The following STARD9 variants were observed in gnomAD, a reference collection of about 807,000 sequenced individuals.
The protein encoded by STARD9 is StAR related lipid transfer domain containing 9.
In STARD9, 346 loss-of-function variants were observed where a neutral mutation model predicts 399.8. The observed-to-expected ratio is 0.87, with a 90% CI of 0.79 to 0.95. STARD9 has a LOEUF of 0.95. Ranked by LOEUF, STARD9 falls within the 40% of genes least tolerant of loss-of-function variation. The pLI is 0.00. For missense variants in STARD9, 5,832 were observed against 5,667.5 expected, an observed-to-expected ratio of 1.03 and a Z score of -0.93; for synonymous variants, 2,203 against 2,143.5, an observed-to-expected ratio of 1.03 and a Z score of -0.77.
Position 42,687,302 on chromosome 15 carries a change from C to T in STARD9, c.5724C>T (p.Leu1908=). The change falls in exon 23 of 33, where the codon CTC becomes CTT. Residue 1908 remains leucine (L), a synonymous_variant. Coordinates refer to ENST00000290607, the MANE Select transcript of STARD9 (RefSeq NM_020759.3). The stretch of plus-strand genomic sequence containing the variant: ...ACAGCACTGAGTCTGGGAAGTCTCT[C>T]CTCTTTCGTGAATCTGAGGCACGAG... The part of the protein sequence containing the change: ...SSDSTESGKS[L]LFRESEAREE... 1 of 1,536,804 alleles carries T rather than the reference C, an allele frequency of 6.5e-7. No individual in the cohort carries two copies. The highest frequency in any genetic ancestry group is 1.2e-5 in the South Asian group (1 of 84,068).
chr15:42,690,836 G>C lies in STARD9; in HGVS notation c.9258G>C (p.Glu3086Asp). 1.3e-6 allele frequency: 2 copies of C among 1,537,132 alleles called. No homozygotes were observed. Among genetic ancestry groups the C allele is most frequent in the Non-Finnish European group, 1.7e-6 (2 of 1,146,818 alleles). The change falls in exon 23 of 33, where the codon GAG (glutamate) becomes GAC (aspartate). Residue 3086 changes from glutamate (E) to aspartate (D), a missense_variant. Glu to Asp is a conservative substitution (Grantham distance 45, BLOSUM62 2). This residue lies in a region of STARD9 where 5,828 missense variants were observed against 5,651.1 expected (regional missense o/e 1.03). Transcript: ENST00000290607. ...GCGTGGGGTTAATAGGGGTTCCTGA[G>C]AAAAAGGTTGCTGAGAAGCAAGCAA... ...DGSVGLIGVP[E>D]KKVAEKQAST...
chr15:42,700,862 C>G (rs1034705669), intron 26 of STARD9, among the ~76,000 whole-genome samples: 1 of 152,168 alleles, frequency 6.6e-6, no homozygotes, highest in African/African-American at 2.4e-5. Context: ...TGTCATAAAG[C>G]ATTTCTCCTA....
chr15:42,715,346 G>T (rs1478798756), intron 26 of STARD9, among the ~76,000 whole-genome samples: 1 of 152,110 alleles, frequency 6.6e-6, no homozygotes, highest in Admixed American at 6.5e-5. Context: ...GTTGCAAGAA[G>T]CTTATCTGTG....
At position 42,581,618 on chromosome 15, in the gene STARD9, G is replaced by T. The variant is rs1044949500; in HGVS notation, c.48-1728G>T. The T allele has an allele frequency of 1.4e-4, 91 of 658,386 alleles. No individual in the cohort carries two copies. The East Asian group carries it at 2.5e-3, about 18-fold the overall frequency. 40.8% of individuals were successfully genotyped at this position (658,386 alleles called of 1,614,324 possible). A position where few individuals can be genotyped will look rare whatever the true frequency, so the allele number is the denominator to read the frequency against. Reference sequence around the variant, plus strand: ...CTCGCTCGCTTCCTCTAGTTCCCTCGTCTGGCTCCGCCCCTGCCGCCAGCC... The same window carrying T: ...CTCGCTCGCTTCCTCTAGTTCCCTCTTCTGGCTCCGCCCCTGCCGCCAGCC... On this transcript the variant is annotated intron_variant, in intron 1 of 32. Transcript: ENST00000290607.
chr15:42,613,010 AG>A (rs1300953240), intron 3 of STARD9, among the ~76,000 whole-genome samples: 3 of 148,946 alleles, frequency 2.0e-5, no homozygotes, highest in African/African-American at 5.0e-5. Context: ...AAAAAAAAAA[AG>A]AGCAACATCT....
Position 42,687,423 on chromosome 15 carries a change from T to C in STARD9, c.5845T>C (p.Ser1949Pro). ...MPGESAVSLK[S>P]RSVDRRVSSP... ...AGGGGAAAGTGCTGTTTCTTTGAAA[T>C]CCAGATCAGTAGATCGTAGAGTAAG... is the stretch of plus-strand genomic sequence containing the variant. The change falls in exon 23 of 33, where the codon TCC becomes CCC. Residue 1949 changes from serine (S) to proline (P), a missense_variant. Physicochemically the swap from Ser to Pro is moderately conservative, Grantham distance 74. Transcript: ENST00000290607. 6.5e-7 allele frequency: 1 copy of C among 1,537,088 alleles called. No homozygotes were observed. The highest frequency in any genetic ancestry group is 8.7e-7 in the Non-Finnish European group (1 of 1,146,914).
chr15:42,698,239 T>C (rs1021662481), intron 26 of STARD9, among the ~76,000 whole-genome samples: 9 of 152,202 alleles, frequency 5.9e-5, no homozygotes, highest in Non-Finnish European at 1.2e-4. Context: ...TAGGCAAATA[T>C]ATTTGTGGGA....
Position 42,684,205 on chromosome 15 carries a change from A to G in STARD9, c.2627A>G (p.His876Arg). 2.6e-6 allele frequency: 4 copies of G among 1,537,286 alleles called. No individual in the cohort carries two copies. Among genetic ancestry groups the G allele is most frequent in the Non-Finnish European group, 3.5e-6 (4 of 1,146,900 alleles). Reference sequence around the variant, plus strand: ...TCAGAGAAAACATCATCAGAAGAGCATTTGCCACAGGCTGCTTCCTACCCT... The same window carrying G: ...TCAGAGAAAACATCATCAGAAGAGCGTTTGCCACAGGCTGCTTCCTACCCT... ...QTSEKTSSEE[H>R]LPQAASYPAR... is the part of the protein sequence containing the mutation. Residue 876 changes from histidine to arginine, a missense_variant, in exon 23 of 33, where the codon CAT (histidine) becomes CGT (arginine). Coordinates refer to ENST00000290607, the MANE Select transcript of STARD9 (RefSeq NM_020759.3).
chr15:42,695,454 A>T lies in STARD9; in HGVS notation c.13146+131A>T, dbSNP rs925124310. On this transcript the variant is annotated intron_variant, in intron 25 of 32. Transcript: ENST00000290607. ...GGAGGCTGTGGGACCCCTGTTGTCA[A>T]CTCAAAGCTGGGCTCACTGTCTTTT... 23 of 919,974 alleles carry T rather than the reference A, an allele frequency of 2.5e-5. No individual in the cohort carries two copies. In the Middle Eastern group the frequency reaches 1.5e-3, roughly 59 times the overall value. 57.0% of individuals were successfully genotyped at this position (919,974 alleles called of 1,614,324 possible). A position where few individuals can be genotyped will look rare whatever the true frequency, so the allele number is the denominator to read the frequency against.
Position 42,692,961 on chromosome 15 carries a change from G to T in STARD9, c.11383G>T (p.Ala3795Ser). ...REAEETAQKM[A>S]QLLYLQEEST... ...GGCAGAGGAAACAGCACAGAAAATGGCTCAGCTCCTCTATCTTCAGGAAGA... is the reference window on the plus strand; with the variant it reads ...GGCAGAGGAAACAGCACAGAAAATGTCTCAGCTCCTCTATCTTCAGGAAGA... The change falls in exon 23 of 33, where the codon GCT becomes TCT. Residue 3795 changes from alanine to serine, a missense_variant. Around this residue, in one of 2 missense-constraint regions of STARD9, gnomAD observed 5,828 missense variants for 5,651.1 expected, o/e 1.03. Transcript: ENST00000290607. The T allele has an allele frequency of 5.2e-6, 8 of 1,537,186 alleles. No homozygotes were observed. The highest frequency in any genetic ancestry group is 7.0e-6 in the Non-Finnish European group (8 of 1,146,912).
chr15:42,654,553 T>C (rs1197364941), intron 9 of STARD9, among the ~76,000 whole-genome samples: 1 of 151,992 alleles, frequency 6.6e-6, no homozygotes, highest in Non-Finnish European at 1.5e-5. Context: ...TCCAAAGAGC[T>C]CCTGGAACTG....
intron 7 of STARD9, among the ~76,000 whole-genome samples, chr15:42,643,613 A>C (rs988266981): frequency 2.6e-5 from 3 of 116,210 alleles, no homozygotes; most frequent in Non-Finnish European, 4.5e-5. Context: ...GCCTCGGCTG[A>C]GGCAGCTAGT....
In STARD9 at chr15:42,719,943, C is replaced by G. The variant is rs2061422360; in HGVS notation, c.*369C>G. 1 of 182,702 alleles carries G rather than the reference C, an allele frequency of 5.5e-6. No homozygotes were observed. Among genetic ancestry groups the G allele is most frequent in the South Asian group, 1.5e-4 (1 of 6,636 alleles). The allele number at this position is 182,702 out of a possible 1,614,324, so 11.3% of individuals were successfully genotyped here. ...AGAGCCGGGGACTGCAGTGCTTTGG[C>G]AAGGTGCTTCCGCAGGCTGGTAGGG... is the stretch of plus-strand genomic sequence containing the variant. On this transcript the variant is annotated 3_prime_UTR_variant, in exon 33 of 33. Coordinates refer to ENST00000290607, the MANE Select transcript of STARD9 (RefSeq NM_020759.3).
At chr15:42,698,754 C>G (rs573507159) in intron 26 of STARD9, among the ~76,000 whole-genome samples, 65 of 152,122 alleles carry the variant, frequency 4.3e-4, no homozygotes, top group African/African-American at 1.3e-3. Context: ...TCTAGAACTT[C>G]TGTGGTTTTA....
At chr15:42,704,570 C>A (rs925533643) in intron 26 of STARD9, among the ~76,000 whole-genome samples, 4 of 152,232 alleles carry the variant, frequency 2.6e-5, no homozygotes, top group African/African-American at 9.6e-5. Context: ...TCACTGTAGC[C>A]ATCTTAGCGC....
At chr15:42,657,014 A>T (rs1033107579) in intron 9 of STARD9, among the ~76,000 whole-genome samples, 1 of 152,166 alleles carries the variant, frequency 6.6e-6, no homozygotes, top group Non-Finnish European at 1.5e-5. Flanking sequence ...GAAATTTTTA[A>T]AAAAGTAAGC....
chr15:42,688,004 C>G lies in STARD9; in HGVS notation c.6426C>G (p.Pro2142=). 1.3e-6 allele frequency: 2 copies of G among 1,537,444 alleles called. No homozygotes were observed. Among genetic ancestry groups the G allele is most frequent in the Non-Finnish European group, 1.7e-6 (2 of 1,146,970 alleles). The part of the protein sequence containing the change: ...AMEVNSIGNH[P]QVQKITPNPF... ...AGGTTAACAGCATTGGGAACCATCC[C>G]CAGGTCCAGAAAATCACCCCAAACC... Residue 2142 remains proline (P), a synonymous_variant, in exon 23 of 33, where the codon CCC becomes CCG. Coordinates refer to ENST00000290607, the MANE Select transcript of STARD9 (RefSeq NM_020759.3).
At position 42,720,656 on chromosome 15, in the gene STARD9, T is replaced by C. The variant is rs897627577; in HGVS notation, c.*1082T>C. 2.0e-5 allele frequency: 3 copies of C among 152,122 alleles called. No individual in the cohort carries two copies. Among genetic ancestry groups the C allele is most frequent in the Admixed American group, 6.5e-5 (1 of 15,274 alleles). The allele number at this position is 152,122 out of a possible 1,614,324, so 9.4% of individuals were successfully genotyped here. A position where few individuals can be genotyped will look rare whatever the true frequency, so the allele number is the denominator to read the frequency against. ...CTGGAAGTGGTAGGGGTGGGAGAGA[T>C]TCTCATCTTTAGTTCTGGTGCCCAA... On this transcript the variant is annotated 3_prime_UTR_variant, in exon 33 of 33. Transcript: ENST00000290607.
chr15:42,718,435 T>A lies in STARD9; in HGVS notation c.13763T>A (p.Val4588Glu). 6.5e-7 allele frequency: 1 copy of A among 1,536,698 alleles called. No individual in the cohort carries two copies. Among genetic ancestry groups the A allele is most frequent in the Non-Finnish European group, 8.7e-7 (1 of 1,146,434 alleles). ...ACCTTCCTTATCCCTGTCCCTCCAG[T>A]GTACTTGGTGTGCAACACCACCCTG... ...HQRVTNSISL[V>E]YLVCNTTLCA... Residue 4588 changes from valine (V) to glutamate (E), a missense_variant and splice_region_variant, in exon 31 of 33, where the codon GTG becomes GAG. Transcript: ENST00000290607.
Sources: allele counts gnomAD v4.1 joint callset (sites outside exome capture counted in the v4.1 genomes callset), GRCh38; gene constraint gnomAD v4.1.1; regional missense constraint gnomAD v4.1.1; transcripts MANE v1.5; gene names NCBI Gene and HGNC (gene_info 2026-07-23, HGNC 2026-07-21).